GPR139: variants seen among roughly 807,000 people sequenced by gnomAD.
The protein encoded by GPR139 is probable G protein-coupled receptor 139.
Under a neutral mutation model 25.8 loss-of-function variants are expected in GPR139, and 12 were observed. The ratio of observed to expected loss-of-function variants is 0.47; its 90% CI spans 0.30 to 0.75. The LOEUF is 0.75. Ranked by LOEUF, GPR139 falls within the 30% of genes least tolerant of loss-of-function variation. The pLI is 0.07. For missense variants in GPR139, 380 were observed against 450.2 expected, an observed-to-expected ratio of 0.84 and a Z score of 1.41; for synonymous variants, 184 against 179.9, an observed-to-expected ratio of 1.02 and a Z score of -0.18.
Position 20,031,682 on chromosome 16 carries a change from C to T in GPR139, c.*53G>A, listed in dbSNP as rs1372020518. 9 of 1,415,036 alleles carry T rather than the reference C, an allele frequency of 6.4e-6. No homozygotes were observed. Among genetic ancestry groups the T allele is most frequent in the Non-Finnish European group, 8.9e-6 (9 of 1,008,518 alleles). 87.7% of individuals were successfully genotyped at this position (1,415,036 alleles called of 1,614,324 possible). On this transcript the variant is annotated 3_prime_UTR_variant, in exon 2 of 2. Coordinates refer to ENST00000570682, the MANE Select transcript of GPR139 (RefSeq NM_001002911.4). ...GCTGCTCAGCCATAGGATGGGACACCTTCCCATCTGGAAATGGATTAGACA... is the reference window on the plus strand; with the variant it reads ...GCTGCTCAGCCATAGGATGGGACACTTTCCCATCTGGAAATGGATTAGACA...
chr16:20,060,255 T>C (rs60232695), intron 1 of GPR139, among the ~76,000 whole-genome samples: 42,311 of 151,694 alleles, frequency 0.28, 6,741 homozygotes, highest in South Asian at 0.45. Context: ...TGTGTGTGTG[T>C]GCGTGTGTGT....
chr16:20,033,775 C>G (rs185300258), intron 1 of GPR139, among the ~76,000 whole-genome samples: 13 of 152,174 alleles, frequency 8.5e-5, no homozygotes, highest in African/African-American at 3.1e-4. Flanking sequence ...GTTCCCCTCC[C>G]TCAGGGAAAT....
At chr16:20,044,563 G>A (rs1029824438) in intron 1 of GPR139, among the ~76,000 whole-genome samples, 1 of 152,140 alleles carries the variant, frequency 6.6e-6, no homozygotes, top group Admixed American at 6.5e-5. Flanking sequence ...GAATGGCAAC[G>A]TGCAAAGGTA....
Position 20,048,922 on chromosome 16 carries a change from G to C in GPR139, c.128-16253C>G, listed in dbSNP as rs539594552. Among the ~76,000 whole-genome samples, 4 of 152,284 alleles carry C rather than the reference G, an allele frequency of 2.6e-5. No individual in the cohort carries two copies. In the South Asian group the frequency reaches 8.3e-4, roughly 32 times the overall value. ...TGCAACACACTTTCCTACCTCCATA[G>C]CATTGCATGGGCTATTTCTTCTGCC... On this transcript the variant is annotated intron_variant, in intron 1 of 1. Coordinates refer to ENST00000570682, the MANE Select transcript of GPR139 (RefSeq NM_001002911.4).
chr16:20,052,050 C>A (rs1364539740), intron 1 of GPR139, among the ~76,000 whole-genome samples: 1 of 152,204 alleles, frequency 6.6e-6, no homozygotes, highest in Non-Finnish European at 1.5e-5. Flanking sequence ...ATTTTACTCA[C>A]CCCTCCTGCC....
intron 1 of GPR139, among the ~76,000 whole-genome samples, chr16:20,062,559 CA>C (rs2057417702): frequency 6.6e-6 from 1 of 152,204 alleles, no homozygotes; most frequent in Non-Finnish European, 1.5e-5. Context: ...TTTGTTACAG[CA>C]GCCCAAACAG....
intron 1 of GPR139, among the ~76,000 whole-genome samples, chr16:20,034,134 C>T (rs1351524630): frequency 4.6e-5 from 7 of 152,020 alleles, no homozygotes; most frequent in South Asian, 2.1e-4. Context: ...ATTTGAACAC[C>T]GATAATGCTA....
chr16:20,042,487 G>A (rs369147990), intron 1 of GPR139, among the ~76,000 whole-genome samples: 3 of 152,122 alleles, frequency 2.0e-5, no homozygotes, highest in African/African-American at 7.2e-5. Context: ...AGTTGCAGCT[G>A]CATTCCAAAC....
intron 1 of GPR139, among the ~76,000 whole-genome samples, chr16:20,059,440 C>T (rs1412729982): frequency 6.6e-6 from 1 of 152,148 alleles, no homozygotes; most frequent in East Asian, 1.9e-4. Context: ...TCTGGGTTAC[C>T]CTGGCTGTTC....
intron 1 of GPR139, among the ~76,000 whole-genome samples, chr16:20,066,179 C>G (rs2057433386): frequency 6.6e-6 from 1 of 152,198 alleles, no homozygotes; most frequent in Non-Finnish European, 1.5e-5. Flanking sequence ...ATTGAAGACA[C>G]CTGGCCACTA....
intron 1 of GPR139, among the ~76,000 whole-genome samples, chr16:20,034,001 C>T (rs531811243): frequency 1.3e-5 from 2 of 150,022 alleles, no homozygotes; most frequent in South Asian, 4.2e-4. Context: ...TAAAAAAAGT[C>T]TCCCTGAATT....
In GPR139 at chr16:20,032,392, C is replaced by T. The variant is rs571459092; in HGVS notation, c.405G>A (p.Lys135=). 6 of 1,614,146 alleles carry T rather than the reference C, an allele frequency of 3.7e-6. No individual in the cohort carries two copies. In the East Asian group the frequency reaches 1.1e-4, roughly 30 times the overall value. The change falls in exon 2 of 2, where the codon AAG becomes AAA. Residue 135 remains lysine (K), a synonymous_variant. Coordinates refer to ENST00000570682, the MANE Select transcript of GPR139 (RefSeq NM_001002911.4). ...GGGCTGGGTATGAGACCGTGTGGTA[C>T]TTGAGCGGGTGGCAGACAGCGATAT... ...DRYIAVCHPL[K]YHTVSYPART...
chr16:20,032,508 G>A lies in GPR139; in HGVS notation c.289C>T (p.Pro97Ser). ...LEDFILNMQM[P>S]QVPDKIIEVL... Reference sequence around the variant, plus strand: ...TCTATGATCTTGTCGGGGACCTGAGGCATCTGCATGTTCAAGATGAAATCT... The same window carrying A: ...TCTATGATCTTGTCGGGGACCTGAGACATCTGCATGTTCAAGATGAAATCT... Residue 97 changes from proline to serine, a missense_variant, in exon 2 of 2, where the codon CCT (proline) becomes TCT (serine). By Grantham distance (74) the Pro-to-Ser change is moderately conservative. Transcript: ENST00000570682. The A allele has an allele frequency of 6.2e-7, 1 of 1,614,128 alleles. No homozygotes were observed. Among genetic ancestry groups the A allele is most frequent in the African/African-American group, 1.3e-5 (1 of 75,034 alleles).
intron 1 of GPR139, among the ~76,000 whole-genome samples, chr16:20,049,365 A>G (rs936627678): frequency 6.6e-6 from 1 of 152,026 alleles, no homozygotes; most frequent in Non-Finnish European, 1.5e-5. Flanking sequence ...TTCTCTCTAA[A>G]TCCAGTGTCT....
rs190239897 is a variant in GPR139 at position 20,029,727 on chromosome 16, G to A, written c.*2008C>T. Among the ~76,000 whole-genome samples, 68 of 152,226 alleles carry A rather than the reference G, an allele frequency of 4.5e-4. 1 individual carries two copies. The highest frequency in any genetic ancestry group is 1.4e-3 in the African/African-American group (60 of 41,536). On this transcript the variant is annotated 3_prime_UTR_variant, in exon 2 of 2. Transcript: ENST00000570682. ...TGGGAGATCTGTCCCTCAGTCAGAC[G>A]ACTTCCATGAACTTCTTTGAGTGGA...
At chr16:20,065,496 T>C (rs938367616) in intron 1 of GPR139, among the ~76,000 whole-genome samples, 2 of 152,210 alleles carry the variant, frequency 1.3e-5, no homozygotes, top group Admixed American at 6.5e-5. Context: ...ATTTCTTCAC[T>C]GTGTGACCTT....
Position 20,030,396 on chromosome 16 carries a change from A to C in GPR139, c.*1339T>G, listed in dbSNP as rs2057283482. Among the ~76,000 whole-genome samples, 1 of 149,934 alleles carries C rather than the reference A, an allele frequency of 6.7e-6. No individual in the cohort carries two copies. Among genetic ancestry groups the C allele is most frequent in the South Asian group, 2.1e-4 (1 of 4,698 alleles). Reference sequence around the variant, plus strand: ...GGGAGAAGTTAAAAAAAAAAGAAGAAAAAAGAAACACTAAATAAGACGAAT... The same window carrying C: ...GGGAGAAGTTAAAAAAAAAAGAAGACAAAAGAAACACTAAATAAGACGAAT... On this transcript the variant is annotated 3_prime_UTR_variant, in exon 2 of 2. Transcript: ENST00000570682.
Position 20,073,850 on chromosome 16 carries a change from G to C in GPR139, c.-234C>G. On this transcript the variant is annotated 5_prime_UTR_variant, in exon 1 of 2. Transcript: ENST00000570682. This position sits in a 1 kb window ranked among gnomAD's most constrained non-coding sequence, Gnocchi z 4.7. The stretch of plus-strand genomic sequence containing the variant: ...GCGCGGGGCGCAGGGTGCGGGGCGC[G>C]CTGCGCGGGGCCTCGGGAGGGGCTC... 1 of 476,712 alleles carries C rather than the reference G, an allele frequency of 2.1e-6. No individual in the cohort carries two copies. The highest frequency in any genetic ancestry group is 3.6e-6 in the Non-Finnish European group (1 of 280,874). The allele number at this position is 476,712 out of a possible 1,614,324, so 29.5% of individuals were successfully genotyped here.
chr16:20,072,008 C>T (rs980393081), intron 1 of GPR139, among the ~76,000 whole-genome samples: 1 of 152,102 alleles, frequency 6.6e-6, no homozygotes, highest in Non-Finnish European at 1.5e-5. Context: ...AATAACCAAC[C>T]TTCTCAAAAA....
Sources: allele counts gnomAD v4.1 joint callset (sites outside exome capture counted in the v4.1 genomes callset), GRCh38; gene constraint gnomAD v4.1.1; non-coding constraint Gnocchi (gnomAD v3.1); transcripts MANE v1.5; gene names NCBI Gene and HGNC (gene_info 2026-07-23, HGNC 2026-07-21).